Variants in FIRRM observed in about 807,000 individuals in gnomAD.
FIRRM encodes the protein FIGNL1-interacting regulator of recombination and mitosis.
chr1:169,822,711 T>C, the FIRRM span, among the ~76,000 whole-genome samples: 1 of 151,836 alleles, frequency 6.6e-6, no homozygotes, highest in Non-Finnish European at 1.5e-5. Flanking sequence ...TGTTGGTCAG[T>C]CTGGTCTTGA....
chr1:169,847,682 C>T, the FIRRM span: 2 of 1,592,302 alleles, frequency 1.3e-6, no homozygotes, highest in Non-Finnish European at 1.7e-6. Flanking sequence ...TGGTCTTCAC[C>T]TCTGTAGGCA....
chr1:169,814,950 AT>A, the FIRRM span, among the ~76,000 whole-genome samples: 14 of 152,026 alleles, frequency 9.2e-5, no homozygotes, highest in Non-Finnish European at 1.9e-4. Flanking sequence ...TTTTCACTAT[AT>A]AAAAAAAGTT....
At chr1:169,809,552 A>G in the FIRRM span, among the ~76,000 whole-genome samples, 1 of 152,258 alleles carries the variant, frequency 6.6e-6, no homozygotes, top group Non-Finnish European at 1.5e-5. Context: ...AGTATAGTCT[A>G]TAGTGGCAAG....
At chr1:169,833,125 T>A in the FIRRM span, among the ~76,000 whole-genome samples, 2 of 152,188 alleles carry the variant, frequency 1.3e-5, no homozygotes, top group Non-Finnish European at 2.9e-5. Context: ...CCCCTTTTAT[T>A]TTGAAGAGCT....
chr1:169,793,362 T>C, the FIRRM span: 1 of 1,614,212 alleles, frequency 6.2e-7, no homozygotes, highest in Non-Finnish European at 8.5e-7. Flanking sequence ...TTTTCTAACA[T>C]CTTCTTTAAA....
the FIRRM span, among the ~76,000 whole-genome samples, chr1:169,803,711 T>G: frequency 2.0e-5 from 3 of 152,214 alleles, no homozygotes; most frequent in Admixed American, 2.0e-4. Context: ...GAGGTAGCCT[T>G]GAGGCACAAA....
the FIRRM span, chr1:169,853,387 A>ATTTTC: frequency 4.2e-4 from 144 of 343,496 alleles, 1 homozygote; most frequent in African/African-American, 2.9e-3. Flanking sequence ...CTTGAATTAC[A>ATTTTC]TTTTCTTTAC....
the FIRRM span, chr1:169,806,237 C>A: frequency 1.7e-6 from 1 of 585,324 alleles, no homozygotes. Flanking sequence ...AGATATTCTA[C>A]ATGTAGCTCT....
the FIRRM span, among the ~76,000 whole-genome samples, chr1:169,837,700 C>G: frequency 6.6e-6 from 1 of 152,082 alleles, no homozygotes; most frequent in Non-Finnish European, 1.5e-5. Flanking sequence ...GGGGGTACAT[C>G]GGGAACCAAA....
At chr1:169,830,125 A>G in the FIRRM span, 1 of 675,790 alleles carries the variant, frequency 1.5e-6, no homozygotes, top group Non-Finnish European at 2.4e-6. Context: ...GATACTAGAA[A>G]GTAGAACTCC....
the FIRRM span, chr1:169,853,988 C>T: frequency 1.6e-6 from 1 of 613,076 alleles, no homozygotes; most frequent in South Asian, 2.2e-5. Flanking sequence ...CCATAAAATC[C>T]AGTAAAAATC....
At chr1:169,798,805 A>T in the FIRRM span, 23 of 523,178 alleles carry the variant, frequency 4.4e-5, no homozygotes, top group Non-Finnish European at 5.7e-5. Flanking sequence ...TCCAATTCCA[A>T]TCTCTTATGA....
chr1:169,810,024 G>C, the FIRRM span, among the ~76,000 whole-genome samples: 1 of 152,078 alleles, frequency 6.6e-6, no homozygotes, highest in Admixed American at 6.5e-5. Context: ...GTCTAACGAG[G>C]GTGTGCCGTC....
At chr1:169,800,942 C>A in the FIRRM span, 3 of 1,597,266 alleles carry the variant, frequency 1.9e-6, no homozygotes, top group South Asian at 1.1e-5. Flanking sequence ...GACATTGGAA[C>A]AGACTTTCTT....
At chr1:169,850,086 GTTAATTTTGTATTATCC>G in the FIRRM span, 1 of 585,052 alleles carries the variant, frequency 1.7e-6, no homozygotes, top group Non-Finnish European at 3.0e-6. Flanking sequence ...TTGTACAGAA[GTTAATTTTGTATTATCC>G]TTAGGGACCC....
the FIRRM span, among the ~76,000 whole-genome samples, chr1:169,825,731 T>A: frequency 6.6e-6 from 1 of 152,206 alleles, no homozygotes; most frequent in African/African-American, 2.4e-5. Context: ...ACCAAAGTCA[T>A]GTAACTAATT....
chr1:169,834,154 C>T, the FIRRM span, among the ~76,000 whole-genome samples: 2 of 152,006 alleles, frequency 1.3e-5, no homozygotes, highest in Admixed American at 6.6e-5. Context: ...TAGTTTATGC[C>T]TAGAGATCTC....
At chr1:169,803,101 A>C in the FIRRM span, 1 of 1,429,172 alleles carries the variant, frequency 7.0e-7, no homozygotes, top group Non-Finnish European at 9.7e-7. Flanking sequence ...AGCACCCAGC[A>C]TGCTGACTAA....
chr1:169,853,077 T>C, the FIRRM span: 1 of 1,261,282 alleles, frequency 7.9e-7, no homozygotes, highest in Non-Finnish European at 1.1e-6. Context: ...AAACAAATTT[T>C]GTAAAGTTGA....
Sources: gnomAD v4.1 joint callset for allele counts (sites outside exome capture counted in the v4.1 genomes callset) on GRCh38, gnomAD v4.1.1 for gene constraint, MANE v1.5 for transcripts, NCBI Gene and HGNC (gene_info 2026-07-23, HGNC 2026-07-21) for gene names.